The following BOC variants were observed in gnomAD, a reference collection of about 807,000 sequenced individuals.
BOC encodes the protein brother of CDO.
In BOC, 76 loss-of-function variants were observed where a neutral mutation model predicts 112.0. That is an observed-to-expected ratio of 0.68 (90% CI 0.56 to 0.82). The LOEUF is 0.82. BOC is among the 40% of genes least tolerant of loss of function. BOC has a pLI of 0.00. For missense variants in BOC, 1,309 were observed against 1,511.7 expected (o/e 0.87, Z 2.22); for synonymous variants, 580 against 599.8 (o/e 0.97, Z 0.48).
At chr3:113,236,774 A>G (rs1221204606) in intron 2 of BOC, among the ~76,000 whole-genome samples, 2 of 152,224 alleles carry the variant, frequency 1.3e-5, no homozygotes, top group Non-Finnish European at 2.9e-5. Flanking sequence ...TAAGCCAAAA[A>G]GGTGGCATTG....
chr3:113,273,234 T>TG lies in BOC; in HGVS notation c.1128dup (p.Arg377AlafsTer8). ...CGCCTCCGGCTCTCCCGCAGGGCCC[T>TG]GCGCGTGCTCAGCATGGGGCCTGAG... On this transcript the variant is annotated frameshift_variant, in exon 8 of 20. Transcript: ENST00000682979. LOFTEE classifies it high-confidence loss of function. The TG allele has an allele frequency of 6.2e-7, 1 of 1,613,612 alleles. No homozygotes were observed. The highest frequency in any genetic ancestry group is 8.5e-7 in the Non-Finnish European group (1 of 1,179,982).
chr3:113,266,141 G>A (rs1026042982), intron 4 of BOC, among the ~76,000 whole-genome samples: 2 of 152,226 alleles, frequency 1.3e-5, no homozygotes, highest in African/African-American at 4.8e-5. Flanking sequence ...CAGGCATCAT[G>A]CTTGTTCAGC....
rs1481234681 is a variant in BOC, at chr3:113,287,419, A to G, written c.*557A>G. ...ATATCTCTGTAAAAACAAACACTGT[A>G]ACTTCTAAATAAATGTTTAGTCTTC... On this transcript the variant is annotated 3_prime_UTR_variant, in exon 20 of 20. Transcript: ENST00000682979. The G allele has an allele frequency of 1.3e-5, 2 of 156,236 alleles. No individual in the cohort carries two copies. The highest frequency in any genetic ancestry group is 1.9e-4 in the South Asian group (1 of 5,276). The allele number at this position is 156,236 out of a possible 1,614,324, so 9.7% of individuals were successfully genotyped here. A position where few individuals can be genotyped will look rare whatever the true frequency, so the allele number is the denominator to read the frequency against.
chr3:113,283,744 A>T, intron 16 of BOC, 112 bp downstream of exon 16: 1 of 1,031,808 alleles, frequency 9.7e-7, no homozygotes. Context: ...AAGTCCCCCA[A>T]AGGTCTCGGA....
intron 2 of BOC, among the ~76,000 whole-genome samples, chr3:113,238,158 A>G (rs959545079): frequency 2.0e-5 from 3 of 152,198 alleles, no homozygotes; most frequent in Admixed American, 2.0e-4. Context: ...TAGGAGTTCC[A>G]TGCATGGAAT....
intron 4 of BOC, among the ~76,000 whole-genome samples, chr3:113,264,290 G>T (rs1166551259): frequency 6.6e-6 from 1 of 152,202 alleles, no homozygotes; most frequent in Non-Finnish European, 1.5e-5. Context: ...GGATGCAAAA[G>T]AAGGGTGCGA....
chr3:113,234,828 A>G (rs1559819244), intron 2 of BOC, among the ~76,000 whole-genome samples: 1 of 152,270 alleles, frequency 6.6e-6, no homozygotes, highest in East Asian at 1.9e-4. Flanking sequence ...TTTTTGGATG[A>G]TTCGGGGGAA....
intron 4 of BOC, among the ~76,000 whole-genome samples, chr3:113,267,666 C>T (rs112395111): frequency 0.017 from 2,657 of 152,318 alleles, 81 homozygotes; most frequent in African/African-American, 0.06. Context: ...CCATGGCCGG[C>T]AACCAAGTGG....
intron 2 of BOC, among the ~76,000 whole-genome samples, chr3:113,235,158 C>CTTA (rs1352758840): frequency 6.6e-6 from 1 of 152,230 alleles, no homozygotes; most frequent in African/African-American, 2.4e-5. Context: ...TCCACCCAGG[C>CTTA]TTTAAACACT....
rs183877996 is a variant in BOC, at chr3:113,278,047, G to A, written c.1543-48G>A. 9.5e-5 allele frequency: 153 copies of A among 1,607,078 alleles called. No homozygotes were observed. Among genetic ancestry groups the A allele is most frequent in the Admixed American group, 1.2e-4 (7 of 59,916 alleles). On this transcript the variant is annotated intron_variant, in intron 9 of 19. Coordinates refer to ENST00000682979, the MANE Select transcript of BOC (RefSeq NM_001378074.1). The surrounding 1 kb of genome is among the most constrained non-coding windows in gnomAD (Gnocchi z 4.2). ...TTTCTTTGTAAACCATAGCCCACTC[G>A]TAGCCCGAGGCTGAGATGCCGGTCT...
intron 5 of BOC, chr3:113,270,532 T>A (rs941278631): frequency 6.9e-6 from 3 of 432,252 alleles, no homozygotes; most frequent in African/African-American, 5.9e-5. Flanking sequence ...TATTGACCTA[T>A]GCACTAAGTT....
chr3:113,225,351 G>A lies in BOC; in HGVS notation c.-82+9077G>A, dbSNP rs546141246. ...CTGAGGCCAGCCAGTACTTTCTCAC[G>A]CTGAAAGACACTGGCCAGGTATTTC... On this transcript the variant is annotated intron_variant, in intron 2 of 19. Transcript: ENST00000682979. Among the ~76,000 whole-genome samples, 11 of 152,234 alleles carry A rather than the reference G, an allele frequency of 7.2e-5. No homozygotes were observed. The South Asian group carries it at 2.1e-3, about 29-fold the overall frequency.
At chr3:113,256,574 A>C (rs1473178426) in intron 4 of BOC, among the ~76,000 whole-genome samples, 1 of 152,168 alleles carries the variant, frequency 6.6e-6, no homozygotes, top group African/African-American at 2.4e-5. Flanking sequence ...CTCTTTGCTC[A>C]GCTCCCCTAA....
intron 8 of BOC, among the ~76,000 whole-genome samples, 174 bp downstream of exon 8, chr3:113,273,515 T>C (rs1948361527): frequency 6.6e-6 from 1 of 152,158 alleles, no homozygotes; most frequent in Admixed American, 6.5e-5. Context: ...CTAATGAAAA[T>C]AACCCATTTA....
intron 2 of BOC, among the ~76,000 whole-genome samples, chr3:113,241,223 A>G (rs1358815843): frequency 6.6e-6 from 1 of 152,226 alleles, no homozygotes; most frequent in East Asian, 1.9e-4. Context: ...TTCAAGGGAC[A>G]GAGTCAGAAA....
At chr3:113,233,783 A>G (rs1392456482) in intron 2 of BOC, among the ~76,000 whole-genome samples, 1 of 151,946 alleles carries the variant, frequency 6.6e-6, no homozygotes, top group African/African-American at 2.4e-5. Flanking sequence ...TTCTCTTTAC[A>G]TTCTTCTTCT....
chr3:113,227,415 C>G (rs1404257566), intron 2 of BOC, among the ~76,000 whole-genome samples: 1 of 152,200 alleles, frequency 6.6e-6, no homozygotes, highest in Non-Finnish European at 1.5e-5. Context: ...GATAGGGAAG[C>G]CCCAGAAAGA....
intron 13 of BOC, 97 bp from the exon 14 acceptor site, chr3:113,280,461 A>C: frequency 1.2e-6 from 1 of 831,662 alleles, no homozygotes; most frequent in Non-Finnish European, 2.0e-6. Flanking sequence ...TGAAATTCAA[A>C]CTCTGGACTG....
intron 2 of BOC, among the ~76,000 whole-genome samples, chr3:113,222,719 C>T (rs1940956617): frequency 6.6e-6 from 1 of 152,328 alleles, no homozygotes; most frequent in South Asian, 2.1e-4. Flanking sequence ...GTGCCCAGCT[C>T]ACACTCTCAT....
Sources: gnomAD v4.1 joint callset for allele counts (sites outside exome capture counted in the v4.1 genomes callset) on GRCh38, gnomAD v4.1.1 for gene constraint, Gnocchi (gnomAD v3.1) non-coding constraint, MANE v1.5 for transcripts, NCBI Gene and HGNC (gene_info 2026-07-23, HGNC 2026-07-21) for gene names.